ADAMTS12: variants seen among roughly 807,000 people sequenced by gnomAD.
ADAMTS12 encodes ADAM metallopeptidase with thrombospondin type 1 motif 12.
A neutral mutation model predicts 167.8 loss-of-function variants in ADAMTS12; 118 were observed. The ratio of observed to expected loss-of-function variants is 0.70; its 90% CI spans 0.61 to 0.82. The LOEUF is 0.82. Among genes scored for constraint, ADAMTS12 ranks in the 40% least tolerant of loss-of-function variants. The pLI is 0.00. For missense variants in ADAMTS12, 1,916 were observed against 1,998.8 expected, an observed-to-expected ratio of 0.96 and a Z score of 0.79; for synonymous variants, 704 against 716.9, an observed-to-expected ratio of 0.98 and a Z score of 0.29.
intron 16 of ADAMTS12, among the ~76,000 whole-genome samples, chr5:33,606,221 T>TA (rs1489062880): frequency 6.6e-6 from 1 of 152,258 alleles, no homozygotes; most frequent in African/African-American, 2.4e-5. Context: ...GTGTTGGGAT[T>TA]ACAGGCGTGA....
At chr5:33,863,651 T>A (rs1301080873) in intron 2 of ADAMTS12, among the ~76,000 whole-genome samples, 1 of 152,212 alleles carries the variant, frequency 6.6e-6, no homozygotes. Flanking sequence ...ATAGATTCAA[T>A]GCTATCCCCA....
intron 5 of ADAMTS12, among the ~76,000 whole-genome samples, chr5:33,663,891 A>G (rs760004827): frequency 2.0e-5 from 3 of 152,194 alleles, no homozygotes; most frequent in Non-Finnish European, 4.4e-5. Flanking sequence ...ACAATTACCA[A>G]TAGTATTACC....
chr5:33,802,300 T>G (rs185360260), intron 2 of ADAMTS12, among the ~76,000 whole-genome samples: 4 of 152,352 alleles, frequency 2.6e-5, no homozygotes, highest in African/African-American at 9.6e-5. Context: ...AGGGGCTGTG[T>G]TGGAAAGTTG....
chr5:33,621,609 T>C (rs928661718), intron 14 of ADAMTS12, among the ~76,000 whole-genome samples: 1 of 152,144 alleles, frequency 6.6e-6, no homozygotes, highest in Non-Finnish European at 1.5e-5. Context: ...AATGTGCTCA[T>C]AAAGAGGTTA....
intron 1 of ADAMTS12, among the ~76,000 whole-genome samples, chr5:33,883,974 C>T (rs1580020102): frequency 7.1e-6 from 1 of 141,602 alleles, no homozygotes; most frequent in East Asian, 2.8e-4. Flanking sequence ...CTGCTCTTCT[C>T]CTCTGCTACT....
chr5:33,885,793 G>A (rs58605753), intron 1 of ADAMTS12, among the ~76,000 whole-genome samples: 2,466 of 152,304 alleles, frequency 0.016, 56 homozygotes, highest in African/African-American at 0.057. Context: ...AGAGCTCGAG[G>A]TCTTCTCAGG....
chr5:33,658,294 G>C lies in ADAMTS12; in HGVS notation c.1080C>G (p.Thr360=), dbSNP rs1384948780. The part of the protein sequence containing the change: ...ICAGFNRPCE[T]LGLSHLSGMC... Reference sequence around the variant, plus strand: ...TTCCTGAAAGGTGAGACAGGCCCAGGGTCTCGCAGGGGCGATTGAAACCAG... The same window carrying C: ...TTCCTGAAAGGTGAGACAGGCCCAGCGTCTCGCAGGGGCGATTGAAACCAG... The change falls in exon 7 of 24, where the codon ACC becomes ACG. Residue 360 remains threonine (T), a synonymous_variant. Coordinates refer to ENST00000504830, the MANE Select transcript of ADAMTS12 (RefSeq NM_030955.4). 5 of 1,613,670 alleles carry C rather than the reference G, an allele frequency of 3.1e-6. No homozygotes were observed. Among genetic ancestry groups the C allele is most frequent in the Non-Finnish European group, 4.2e-6 (5 of 1,179,678 alleles).
intron 14 of ADAMTS12, among the ~76,000 whole-genome samples, chr5:33,619,320 C>A (rs1739190151): frequency 6.6e-6 from 1 of 152,202 alleles, no homozygotes; most frequent in Non-Finnish European, 1.5e-5. Flanking sequence ...TTGCATAAAA[C>A]AATAGAGGTA....
At chr5:33,845,840 T>C (rs954411794) in intron 2 of ADAMTS12, among the ~76,000 whole-genome samples, 2 of 152,064 alleles carry the variant, frequency 1.3e-5, no homozygotes, top group Non-Finnish European at 2.9e-5. Flanking sequence ...GAAAGCAAAG[T>C]GGGGCTGATA....
At chr5:33,590,506 T>C (rs1249071686) in intron 17 of ADAMTS12, among the ~76,000 whole-genome samples, 1 of 152,224 alleles carries the variant, frequency 6.6e-6, no homozygotes, top group African/African-American at 2.4e-5. Flanking sequence ...TATGAGGACA[T>C]GAACGTTTGT....
At chr5:33,801,434 A>C (rs1402239597) in intron 2 of ADAMTS12, among the ~76,000 whole-genome samples, 2 of 152,222 alleles carry the variant, frequency 1.3e-5, no homozygotes, top group South Asian at 2.1e-4. Flanking sequence ...ATGTCACTTC[A>C]TGGCATGACA....
intron 3 of ADAMTS12, among the ~76,000 whole-genome samples, chr5:33,724,980 G>A (rs552333756): frequency 1.3e-5 from 2 of 152,198 alleles, no homozygotes; most frequent in East Asian, 3.9e-4. Flanking sequence ...GACCTGTCTT[G>A]AAATGGCCCA....
chr5:33,732,670 C>G (rs1187058239), intron 3 of ADAMTS12, among the ~76,000 whole-genome samples: 3 of 152,052 alleles, frequency 2.0e-5, no homozygotes, highest in African/African-American at 4.8e-5. Context: ...CAAATGGATA[C>G]TTTTTATATG....
intron 2 of ADAMTS12, among the ~76,000 whole-genome samples, chr5:33,768,028 C>T (rs1745601851): frequency 6.6e-6 from 1 of 152,154 alleles, no homozygotes; most frequent in African/African-American, 2.4e-5. Flanking sequence ...AGAACTGGCA[C>T]ATATTTTTTC....
At chr5:33,653,910 T>C (rs1448098670) in intron 7 of ADAMTS12, among the ~76,000 whole-genome samples, 1 of 152,208 alleles carries the variant, frequency 6.6e-6, no homozygotes, top group Non-Finnish European at 1.5e-5. Flanking sequence ...ATTGTCTTTT[T>C]CCTCTCTTTC....
At chr5:33,863,618 G>A (rs1353307990) in intron 2 of ADAMTS12, among the ~76,000 whole-genome samples, 2 of 152,146 alleles carry the variant, frequency 1.3e-5, no homozygotes, top group African/African-American at 4.8e-5. Context: ...TCGTGAAAAT[G>A]GCCATACTGA....
intron 20 of ADAMTS12, among the ~76,000 whole-genome samples, chr5:33,559,151 T>G (rs1745620370): frequency 6.6e-6 from 1 of 152,160 alleles, no homozygotes; most frequent in African/African-American, 2.4e-5. Flanking sequence ...CTTCACTAGA[T>G]GAAGAAACAA....
chr5:33,682,385 CAAG>C (rs563829090), intron 5 of ADAMTS12, among the ~76,000 whole-genome samples: 83 of 152,256 alleles, frequency 5.5e-4, no homozygotes, highest in African/African-American at 1.9e-3. Flanking sequence ...GTGGAGATTT[CAAG>C]TACTTGGATA....
intron 14 of ADAMTS12, among the ~76,000 whole-genome samples, chr5:33,620,553 C>A (rs1739269463): frequency 6.6e-6 from 1 of 152,194 alleles, no homozygotes; most frequent in South Asian, 2.1e-4. Flanking sequence ...ACTACAGTCA[C>A]TTTTATGCAG....
Sources: allele counts gnomAD v4.1 joint callset (sites outside exome capture counted in the v4.1 genomes callset), GRCh38; gene constraint gnomAD v4.1.1; transcripts MANE v1.5; gene names NCBI Gene and HGNC (gene_info 2026-07-23, HGNC 2026-07-21).